The following TNFSF8 variants were observed in gnomAD, a reference collection of about 807,000 sequenced individuals.
TNFSF8 encodes the protein TNF superfamily member 8.
In TNFSF8, 4 loss-of-function variants were observed where a neutral mutation model predicts 22.0. The ratio of observed to expected loss-of-function variants is 0.18; its 90% CI spans 0.09 to 0.42. The LOEUF (loss-of-function observed/expected upper bound fraction) is 0.42. Among genes scored for constraint, TNFSF8 ranks in the 10% least tolerant of loss-of-function variants. TNFSF8 has a pLI of 1.00. For missense variants in TNFSF8, 233 were observed against 281.8 expected, an observed-to-expected ratio of 0.83 and a Z score of 1.24; for synonymous variants, 106 against 112.5, an observed-to-expected ratio of 0.94 and a Z score of 0.37.
At chr9:114,904,692 T>C (rs559946647) in intron 3 of TNFSF8, among the ~76,000 whole-genome samples, 1 of 152,216 alleles carries the variant, frequency 6.6e-6, no homozygotes, top group Non-Finnish European at 1.5e-5. Flanking sequence ...CTCCACAAGA[T>C]TGGAACTATT....
chr9:114,929,034 G>A (rs545733912), intron 1 of TNFSF8, among the ~76,000 whole-genome samples: 2 of 152,320 alleles, frequency 1.3e-5, no homozygotes, highest in East Asian at 3.9e-4. Context: ...GGCAGGTCAT[G>A]TGGGTGGGTG....
intron 2 of TNFSF8, among the ~76,000 whole-genome samples, chr9:114,910,965 A>G (rs375894604): frequency 5.3e-5 from 8 of 152,334 alleles, no homozygotes; most frequent in African/African-American, 1.4e-4. Flanking sequence ...GAATTAAAAC[A>G]ATCAACCTAA....
chr9:114,896,370 G>C (rs1827655349), downstream of TNFSF8, among the ~76,000 whole-genome samples: 1 of 152,102 alleles, frequency 6.6e-6, no homozygotes, highest in African/African-American at 2.4e-5. Flanking sequence ...CTGATGCCTG[G>C]GTTCTAAATC....
chr9:114,905,767 T>C, intron 3 of TNFSF8, 61 bp downstream of exon 3: 4 of 1,309,114 alleles, frequency 3.1e-6, no homozygotes, highest in Non-Finnish European at 4.4e-6. Flanking sequence ...GGCTTAAAAG[T>C]TGCTGAAAAG....
chr9:114,918,820 C>A (rs577825122), intron 1 of TNFSF8, among the ~76,000 whole-genome samples: 27 of 152,236 alleles, frequency 1.8e-4, no homozygotes, highest in African/African-American at 5.5e-4. Flanking sequence ...AGGTTGGTCT[C>A]GAACTCCTGA....
At position 114,894,450 on chromosome 9, in the gene TNFSF8, G is replaced by A. The variant is rs149716953; in HGVS notation, c.410-286C>T. Among the ~76,000 whole-genome samples, 207 of 152,280 alleles carry A rather than the reference G, an allele frequency of 1.4e-3. 2 individuals are homozygous for A. The highest frequency in any genetic ancestry group is 3.4e-3 in the Middle Eastern group (1 of 294). On this transcript the variant is annotated intron_variant, in intron 4 of 4. Coordinates refer to the TNFSF8 transcript ENST00000618336. Reference sequence around the variant, plus strand: ...AAGGGCAAGGACCTTGTGGACAAAGGAATCAGCAGGCACCAGGTCAAGTAG... The same window carrying A: ...AAGGGCAAGGACCTTGTGGACAAAGAAATCAGCAGGCACCAGGTCAAGTAG...
intron 3 of TNFSF8, among the ~76,000 whole-genome samples, chr9:114,904,957 C>T (rs1383873338): frequency 6.6e-6 from 1 of 152,118 alleles, no homozygotes; most frequent in Non-Finnish European, 1.5e-5. Context: ...AATAATTGTG[C>T]AGGTCCCCCA....
At chr9:114,925,434 A>T (rs1381581901) in intron 1 of TNFSF8, among the ~76,000 whole-genome samples, 1 of 152,168 alleles carries the variant, frequency 6.6e-6, no homozygotes, top group African/African-American at 2.4e-5. Flanking sequence ...CAGACAAGGA[A>T]TGAGTCTCCA....
chr9:114,928,334 T>G (rs990117888), intron 1 of TNFSF8, among the ~76,000 whole-genome samples: 7 of 152,166 alleles, frequency 4.6e-5, no homozygotes, highest in African/African-American at 1.7e-4. Context: ...CTCTACCACT[T>G]TCTCAGGGTG....
intron 4 of TNFSF8, among the ~76,000 whole-genome samples, chr9:114,894,933 T>A (rs1475965147): frequency 6.6e-6 from 1 of 152,330 alleles, no homozygotes; most frequent in East Asian, 1.9e-4. Context: ...TTGTGACCTT[T>A]CTTCCCTTGA....
intron 2 of TNFSF8, among the ~76,000 whole-genome samples, chr9:114,907,564 G>C (rs989222308): frequency 6.6e-6 from 1 of 152,140 alleles, no homozygotes; most frequent in Non-Finnish European, 1.5e-5. Flanking sequence ...TGCAGGATCA[G>C]GCCCAAGCTC....
Position 114,902,441 on chromosome 9 carries a change from C to T in TNFSF8, c.*1490G>A. On this transcript the variant is annotated 3_prime_UTR_variant, in exon 4 of 4. Coordinates refer to ENST00000223795, the MANE Select transcript of TNFSF8 (RefSeq NM_001244.4). Reference sequence around the variant, plus strand: ...TTTCCTGACCAGAAATGAAAAATGCCTGCTGCTCAATTATTGTCAATCTAA... The same window carrying T: ...TTTCCTGACCAGAAATGAAAAATGCTTGCTGCTCAATTATTGTCAATCTAA... The T allele has an allele frequency of 1.0e-6, 1 of 985,432 alleles. No individual in the cohort carries two copies. Among genetic ancestry groups the T allele is most frequent in the Non-Finnish European group, 1.2e-6 (1 of 829,940 alleles). The allele number at this position is 985,432 out of a possible 1,614,324, so 61.0% of individuals were successfully genotyped here.
rs2131340756 is a variant in TNFSF8, at chr9:114,903,756, ACT to A, written c.*173_*174del. 6.6e-6 allele frequency: 9 copies of A among 1,370,742 alleles called. No individual in the cohort carries two copies. The highest frequency in any genetic ancestry group is 8.4e-6 in the Non-Finnish European group (9 of 1,067,832). 84.9% of individuals were successfully genotyped at this position (1,370,742 alleles called of 1,614,324 possible). ...CTATCTGAAAGATACTTCACTAAAAACTCTCTTTTTAACCCTGGAGCTGTATC... is the reference window on the plus strand; with the variant it reads ...CTATCTGAAAGATACTTCACTAAAAACTCTTTTTAACCCTGGAGCTGTATC... On this transcript the variant is annotated 3_prime_UTR_variant, in exon 4 of 4. Transcript: ENST00000223795.
At chr9:114,901,143 A>G (rs1827711667), downstream of TNFSF8, 2 of 985,224 alleles carry the variant, frequency 2.0e-6, no homozygotes, top group African/African-American at 3.5e-5. Context: ...AGGTAGCCTG[A>G]GTTCCCAGTT....
rs530765966 is a variant in TNFSF8 at position 114,903,642 on chromosome 9, G to T, written c.*289C>A. The T allele has an allele frequency of 4.2e-4, 436 of 1,035,946 alleles. 5 individuals are homozygous for T. The South Asian group carries it at 0.015, about 36-fold the overall frequency. 64.2% of individuals were successfully genotyped at this position (1,035,946 alleles called of 1,614,324 possible). Reference sequence around the variant, plus strand: ...AGAAGAAATAGATCAAGACCATACAGTGAATTAGAGGTTGGGCTGGGACAT... The same window carrying T: ...AGAAGAAATAGATCAAGACCATACATTGAATTAGAGGTTGGGCTGGGACAT... On this transcript the variant is annotated 3_prime_UTR_variant, in exon 4 of 4. Coordinates refer to ENST00000223795, the MANE Select transcript of TNFSF8 (RefSeq NM_001244.4).
chr9:114,898,341 T>C (rs1346272020), downstream of TNFSF8, among the ~76,000 whole-genome samples: 3 of 152,146 alleles, frequency 2.0e-5, no homozygotes, highest in Non-Finnish European at 2.9e-5. Context: ...GAAGATTAAA[T>C]AAGTGAGTGC....
chr9:114,894,052 C>A (rs1224598367), exon 5 of TNFSF8: 1 of 1,525,838 alleles, frequency 6.6e-7, no homozygotes, highest in African/African-American at 1.4e-5. Flanking sequence ...AGAAGCAGTT[C>A]TTGTCTGCAG....
At chr9:114,897,264 G>GT (rs11353389), downstream of TNFSF8, among the ~76,000 whole-genome samples, 2,167 of 149,366 alleles carry the variant, frequency 0.015, 38 homozygotes, top group African/African-American at 0.035. Flanking sequence ...GAAAAGAACT[G>GT]TTTTTTTTTT....
chr9:114,907,486 G>C (rs1402570281), intron 2 of TNFSF8, among the ~76,000 whole-genome samples: 2 of 152,182 alleles, frequency 1.3e-5, no homozygotes, highest in Non-Finnish European at 2.9e-5. Context: ...CTAAGCTGCA[G>C]AACATCAAGC....
Sources: allele counts gnomAD v4.1 joint callset (sites outside exome capture counted in the v4.1 genomes callset), GRCh38; gene constraint gnomAD v4.1.1; transcripts MANE v1.5; gene names NCBI Gene and HGNC (gene_info 2026-07-23, HGNC 2026-07-21).